The following FAM174B variants were observed in gnomAD, a reference collection of about 807,000 sequenced individuals.
The protein encoded by FAM174B is membrane protein FAM174B.
In FAM174B, 12 loss-of-function variants were observed where a neutral mutation model predicts 10.9. That is an observed-to-expected ratio of 1.10 (90% CI 0.71 to 1.79). The LOEUF is 1.79. Ranked by LOEUF, FAM174B falls within the 40% of genes most tolerant of loss-of-function variation. The pLI is 0.00. For synonymous variants in FAM174B, 132 were observed against 115.8 expected, an observed-to-expected ratio of 1.14 and a Z score of -0.90; for missense variants, 266 against 233.3, an observed-to-expected ratio of 1.14 and a Z score of -0.91.
chr15:92,620,703 T>A (rs1293176842), intron 2 of FAM174B, among the ~76,000 whole-genome samples: 3 of 149,088 alleles, frequency 2.0e-5, no homozygotes, highest in Non-Finnish European at 4.4e-5. Flanking sequence ...TAATCCCAGC[T>A]ACTTGGGAGG....
At chr15:92,635,633 T>G (rs913912637) in intron 1 of FAM174B, among the ~76,000 whole-genome samples, 29 of 148,616 alleles carry the variant, frequency 2.0e-4, no homozygotes, top group Admixed American at 6.2e-4. Context: ...CAGGCTGGAG[T>G]GCAGTGGCAC....
chr15:92,635,097 CCTCTCT>C (rs548982533), intron 1 of FAM174B, among the ~76,000 whole-genome samples: 1 of 93,246 alleles, frequency 1.1e-5, no homozygotes, highest in Admixed American at 1.1e-4. Context: ...TTACGATAAG[CCTCTCT>C]CTCTCTCTCT....
intron 2 of FAM174B, 133 bp from the exon 3 acceptor site, chr15:92,619,592 T>C: frequency 3.0e-6 from 3 of 1,014,558 alleles, no homozygotes; most frequent in Middle Eastern, 3.3e-4. Context: ...ACAGGACCTT[T>C]GAGCGTGCTG....
chr15:92,630,476 T>G (rs1051230519), intron 1 of FAM174B, 131 bp from the exon 2 acceptor site: 4 of 842,016 alleles, frequency 4.8e-6, no homozygotes, highest in Non-Finnish European at 7.3e-6. Flanking sequence ...TGTCTGAGAG[T>G]GTGAGGATCT....
At position 92,655,586 on chromosome 15, in the gene FAM174B, CG is replaced by C; in HGVS notation, c.73del (p.Arg25AlafsTer54). 8 of 1,308,856 alleles carry C rather than the reference CG, an allele frequency of 6.1e-6. No individual in the cohort carries two copies. Among genetic ancestry groups the C allele is most frequent in the Non-Finnish European group, 7.8e-6 (8 of 1,031,038 alleles). 81.1% of individuals were successfully genotyped at this position (1,308,856 alleles called of 1,614,324 possible). On this transcript the variant is annotated frameshift_variant, in exon 1 of 3. Coordinates refer to ENST00000327355, the MANE Select transcript of FAM174B (RefSeq NM_207446.3). LOFTEE classifies it high-confidence loss of function. ...LLALLAAPAA[R>X]ASRAESVSAP... ...GGAGACGGACTCGGCTCTGCTGGCG[CG>C]GGCGGCGGGAGCGGCCAGGAGCGCG...
chr15:92,624,989 T>C (rs1307692605), intron 2 of FAM174B, among the ~76,000 whole-genome samples: 2 of 152,196 alleles, frequency 1.3e-5, no homozygotes, highest in Non-Finnish European at 2.9e-5. Context: ...AACTGCACAC[T>C]AGGCAACAAA....
rs111371770 is a variant in FAM174B, at chr15:92,650,652, T to C, written c.344+4664A>G. Among the ~76,000 whole-genome samples the C allele has an allele frequency of 2.3e-3, 356 of 152,372 alleles. 1 individual carries two copies. Among genetic ancestry groups the C allele is most frequent in the African/African-American group, 7.7e-3 (319 of 41,590 alleles). On this transcript the variant is annotated intron_variant, in intron 1 of 2. Transcript: ENST00000327355. ...CCAGAACTCAGACAATAAAGTGTTC[T>C]GAGTGAATGTAGGGGGCAAAAGGTA...
intron 2 of FAM174B, among the ~76,000 whole-genome samples, chr15:92,620,970 G>C (rs1178768105): frequency 1.3e-5 from 2 of 151,988 alleles, no homozygotes; most frequent in African/African-American, 4.8e-5. Flanking sequence ...AAATAACAAA[G>C]ATTTAATAGA....
chr15:92,638,214 G>A (rs1013002257), intron 1 of FAM174B, among the ~76,000 whole-genome samples: 1 of 152,178 alleles, frequency 6.6e-6, no homozygotes, highest in East Asian at 1.9e-4. Flanking sequence ...GTCTTCACAG[G>A]AATAGGCAAG....
At chr15:92,631,420 A>T (rs180832531) in intron 1 of FAM174B, among the ~76,000 whole-genome samples, 706 of 45,310 alleles carry the variant, frequency 0.016, 61 homozygotes, top group Middle Eastern at 0.021. Flanking sequence ...TATAATATAT[A>T]ATATATAATA....
chr15:92,643,389 T>C (rs2050904999), intron 1 of FAM174B, among the ~76,000 whole-genome samples: 2 of 151,112 alleles, frequency 1.3e-5, no homozygotes, highest in African/African-American at 4.9e-5. Context: ...TGCATGTATA[T>C]ATTACACTCA....
At chr15:92,649,018 A>C (rs2141964593) in intron 1 of FAM174B, among the ~76,000 whole-genome samples, 1 of 152,326 alleles carries the variant, frequency 6.6e-6, no homozygotes, top group Middle Eastern at 3.4e-3. Flanking sequence ...TAAATCCAGG[A>C]GTGTTTCCCT....
At chr15:92,635,693 T>C (rs567732496) in intron 1 of FAM174B, among the ~76,000 whole-genome samples, 7 of 150,942 alleles carry the variant, frequency 4.6e-5, no homozygotes, top group Non-Finnish European at 1.5e-5. Flanking sequence ...CAATTCTCCC[T>C]GCTCAGCCTC....
Position 92,655,681 on chromosome 15 carries a change from A to T in FAM174B, c.-22T>A. ...GCATAGTGCGGTGGGTCGGCACAGG[A>T]TCGGGCAGGGCGCGCGCGGCTGAGC... On this transcript the variant is annotated 5_prime_UTR_variant, in exon 1 of 3. Coordinates refer to ENST00000327355, the MANE Select transcript of FAM174B (RefSeq NM_207446.3). 8.0e-7 allele frequency: 1 copy of T among 1,244,104 alleles called. No homozygotes were observed. The allele number at this position is 1,244,104 out of a possible 1,614,324, so 77.1% of individuals were successfully genotyped here.
intron 1 of FAM174B, among the ~76,000 whole-genome samples, chr15:92,650,500 G>A (rs554330381): frequency 7.9e-5 from 12 of 152,182 alleles, no homozygotes; most frequent in South Asian, 2.1e-4. Context: ...CGTGGAGTTC[G>A]GAGACTCTCC....
intron 1 of FAM174B, among the ~76,000 whole-genome samples, chr15:92,635,255 C>T (rs1344174423): frequency 6.6e-6 from 1 of 151,946 alleles, no homozygotes; most frequent in Admixed American, 6.6e-5. Context: ...AGCAAGAGTC[C>T]TCATGTATGC....
chr15:92,630,249 T>C lies in FAM174B; in HGVS notation c.441A>G (p.Glu147=). The change falls in exon 2 of 3, where the codon GAA becomes GAG. Residue 147 remains glutamate, a synonymous_variant. Coordinates refer to ENST00000327355, the MANE Select transcript of FAM174B (RefSeq NM_207446.3). ...EMAPLNEEDD[E]DEDSTVFDIK... ...TGTCGAATACTGTGGAGTCCTCATC[T>C]TCATCATCCTCTTCATTTAGTGGCG... The C allele has an allele frequency of 6.2e-7, 1 of 1,613,740 alleles. No homozygotes were observed. Among genetic ancestry groups the C allele is most frequent in the Non-Finnish European group, 8.5e-7 (1 of 1,179,760 alleles).
chr15:92,628,287 C>A (rs529192226), intron 2 of FAM174B, among the ~76,000 whole-genome samples: 3 of 151,292 alleles, frequency 2.0e-5, no homozygotes, highest in Non-Finnish European at 4.4e-5. Context: ...ACCTCAGCCT[C>A]CCAAGTAGCT....
intron 1 of FAM174B, among the ~76,000 whole-genome samples, chr15:92,652,580 G>C: frequency 6.6e-6 from 1 of 152,170 alleles, no homozygotes; most frequent in African/African-American, 2.4e-5. Context: ...AGAAGGATGA[G>C]ACAGGCATTC....
Sources: gnomAD v4.1 joint callset for allele counts (sites outside exome capture counted in the v4.1 genomes callset) on GRCh38, gnomAD v4.1.1 for gene constraint, MANE v1.5 for transcripts, NCBI Gene and HGNC (gene_info 2026-07-23, HGNC 2026-07-21) for gene names.